TG: variants seen among roughly 807,000 people sequenced by gnomAD.
The protein encoded by TG is thyroglobulin, also known as thyroid hormones.
In TG, 270 loss-of-function variants were observed where a neutral mutation model predicts 324.7. That is an observed-to-expected ratio of 0.83 (90% CI 0.75 to 0.92). The LOEUF (loss-of-function observed/expected upper bound fraction) is 0.92, where lower values mean the gene tolerates loss of function less well. TG is among the 40% of genes least tolerant of loss of function. The pLI is 0.00. For missense variants in TG, 3,591 were observed against 3,456.4 expected, an observed-to-expected ratio of 1.04 and a Z score of -0.98; for synonymous variants, 1,401 against 1,327.0, an observed-to-expected ratio of 1.06 and a Z score of -1.21.
At chr8:133,079,397 T>G (rs939801031) in intron 41 of TG, among the ~76,000 whole-genome samples, 3 of 152,238 alleles carry the variant, frequency 2.0e-5, no homozygotes, top group African/African-American at 2.4e-5. Flanking sequence ...ATCACCTTAT[T>G]AAAGTGAAAT....
chr8:133,102,429 GAC>G, intron 43 of TG: 1 of 841,430 alleles, frequency 1.2e-6, no homozygotes, highest in African/African-American at 1.7e-5. Flanking sequence ...ATTTTCTTCA[GAC>G]CAAAGACGGA....
At chr8:132,867,972 T>C in intron 1 of TG, 143 bp from the exon 2 acceptor site, 1 of 714,436 alleles carries the variant, frequency 1.4e-6, no homozygotes, top group African/African-American at 1.8e-5. Flanking sequence ...TGTAAGAAAG[T>C]GTGCTTAGCT....
chr8:132,954,773 G>A (rs1826606206), intron 27 of TG, among the ~76,000 whole-genome samples: 1 of 152,200 alleles, frequency 6.6e-6, no homozygotes, highest in African/African-American at 2.4e-5. Flanking sequence ...CTGAGGGGGA[G>A]AGTAAGGCAT....
intron 23 of TG, among the ~76,000 whole-genome samples, chr8:132,930,365 C>T (rs778333067): frequency 6.7e-4 from 102 of 152,220 alleles, no homozygotes; most frequent in South Asian, 1.2e-3. Flanking sequence ...CTCATGTGTG[C>T]GTGCACTGTG....
chr8:132,984,934 CAA>C (rs35473851), intron 35 of TG, among the ~76,000 whole-genome samples: 83,994 of 140,270 alleles, frequency 0.6, 25,199 homozygotes, highest in African/African-American at 0.74. Flanking sequence ...GCCTCCATCT[CAA>C]AAAAAAAAAA....
intron 39 of TG, among the ~76,000 whole-genome samples, chr8:133,021,668 C>T (rs1336528101): frequency 6.6e-6 from 1 of 152,238 alleles, no homozygotes; most frequent in Non-Finnish European, 1.5e-5. Context: ...TGTTCCTTTT[C>T]TCTTCCTTGT....
chr8:132,888,559 C>A lies in TG; in HGVS notation c.2752C>A (p.Leu918Ile), dbSNP rs1187293194. 1 of 1,611,186 alleles carries A rather than the reference C, an allele frequency of 6.2e-7. No homozygotes were observed. Residue 918 changes from leucine to isoleucine, a missense_variant, in exon 10 of 48, where the codon CTC (leucine) becomes ATC (isoleucine). Coordinates refer to ENST00000220616, the MANE Select transcript of TG (RefSeq NM_003235.5). Reference protein sequence around the residue: ...LEGMRSEPSKLPTCPGSCEEA... With the variant: ...LEGMRSEPSKIPTCPGSCEEA... ...AGGAATGCGGTCTGAGCCAAGCAAG[C>A]TCCCAACATGTGAGCTAACGCATAT...
intron 43 of TG, among the ~76,000 whole-genome samples, chr8:133,106,975 C>T (rs1434336546): frequency 6.6e-6 from 1 of 152,176 alleles, no homozygotes; most frequent in Non-Finnish European, 1.5e-5. Context: ...TCTCAGACAC[C>T]ACTCGGCGTG....
intron 41 of TG, among the ~76,000 whole-genome samples, chr8:133,069,866 G>T (rs1015224131): frequency 6.6e-6 from 1 of 151,794 alleles, no homozygotes; most frequent in African/African-American, 2.4e-5. Context: ...GCTGGGCGTG[G>T]TGGCAGGTGC....
In TG at chr8:133,073,873, G is replaced by T. The variant is rs1256533634; in HGVS notation, c.7240-21171G>T. Among the ~76,000 whole-genome samples the T allele has an allele frequency of 2.0e-5, 3 of 152,050 alleles. No individual in the cohort carries two copies. In the East Asian group the frequency reaches 5.8e-4, roughly 29 times the overall value. On this transcript the variant is annotated intron_variant, in intron 41 of 47. Coordinates refer to ENST00000220616, the MANE Select transcript of TG (RefSeq NM_003235.5). ...AACTTCTCTGAGCCTCATTTCCTCA[G>T]TTTTCAAAAGCAAATAACAATCACA...
At chr8:133,097,818 C>A (rs550444722) in intron 43 of TG, among the ~76,000 whole-genome samples, 35 of 151,988 alleles carry the variant, frequency 2.3e-4, no homozygotes, top group East Asian at 5.8e-4. Flanking sequence ...TTTATGTGTG[C>A]GTGTGTATGT....
chr8:132,916,850 G>T (rs1175673588), intron 20 of TG, among the ~76,000 whole-genome samples: 1 of 152,154 alleles, frequency 6.6e-6, no homozygotes, highest in Non-Finnish European at 1.5e-5. Context: ...CATTCTGGAT[G>T]ATATTAACTT....
chr8:132,975,102 T>C (rs959677419), intron 34 of TG, among the ~76,000 whole-genome samples: 14 of 151,840 alleles, frequency 9.2e-5, no homozygotes. Context: ...CTTTAACTCA[T>C]AGAGGAAGGG....
Position 132,974,994 on chromosome 8 carries a change from C to A in TG, c.6199+2253C>A, listed in dbSNP as rs143551723. Among the ~76,000 whole-genome samples the A allele has an allele frequency of 2.5e-4, 38 of 152,294 alleles. No homozygotes were observed. In the East Asian group the frequency reaches 6.7e-3, roughly 27 times the overall value. The stretch of plus-strand genomic sequence containing the variant: ...TTGGCTTTTTATTTTATTTTAACAT[C>A]TGAAATTATTTTAAGAAAAACATCA... On this transcript the variant is annotated intron_variant, in intron 34 of 47. Coordinates refer to ENST00000220616, the MANE Select transcript of TG (RefSeq NM_003235.5).
intron 45 of TG, among the ~76,000 whole-genome samples, chr8:133,121,085 C>A (rs1323453322): frequency 1.3e-5 from 2 of 152,222 alleles, no homozygotes; most frequent in Non-Finnish European, 2.9e-5. Flanking sequence ...ATAACTACCT[C>A]CCGTGGCTCC....
intron 35 of TG, chr8:133,002,190 G>A: frequency 2.0e-6 from 2 of 985,426 alleles, no homozygotes; most frequent in Non-Finnish European, 2.4e-6. Flanking sequence ...TTTCAAATGA[G>A]GGAGGCAATG....
chr8:132,911,577 C>T (rs763680939), intron 19 of TG, 44 bp downstream of exon 19: 1 of 1,542,610 alleles, frequency 6.5e-7, no homozygotes, highest in Non-Finnish European at 9.0e-7. Context: ...TATGCAGCCT[C>T]TCTGAGTCTC....
chr8:132,881,404 G>GA (rs1381399702), intron 5 of TG, among the ~76,000 whole-genome samples: 1 of 151,974 alleles, frequency 6.6e-6, no homozygotes, highest in Non-Finnish European at 1.5e-5. Context: ...TCAAGCTTTT[G>GA]AAAAGTCGTA....
intron 10 of TG, among the ~76,000 whole-genome samples, chr8:132,889,875 C>T (rs949544326): frequency 4.6e-5 from 7 of 152,172 alleles, no homozygotes; most frequent in Non-Finnish European, 1.0e-4. Context: ...CTCCCAAGTT[C>T]AAGTAATTCT....
Sources: allele counts gnomAD v4.1 joint callset (sites outside exome capture counted in the v4.1 genomes callset), GRCh38; gene constraint gnomAD v4.1.1; transcripts MANE v1.5; gene names NCBI Gene and HGNC (gene_info 2026-07-23, HGNC 2026-07-21).